Variants in SORCS1 observed in about 807,000 individuals in gnomAD.
SORCS1 encodes VPS10 domain-containing receptor SorCS1.
A neutral mutation model predicts 146.1 loss-of-function variants in SORCS1; 60 were observed. That is an observed-to-expected ratio of 0.41 (90% CI 0.33 to 0.51). The LOEUF (loss-of-function observed/expected upper bound fraction) is 0.51, where lower values mean the gene tolerates loss of function less well. Ranked by LOEUF, SORCS1 falls within the 20% of genes least tolerant of loss-of-function variation. SORCS1 has a pLI of 0.21. For synonymous variants in SORCS1, 637 were observed against 584.0 expected (o/e 1.09, Z -1.31); for missense variants, 1,352 against 1,487.6 (o/e 0.91, Z 1.50).
rs1180826288 is a variant in SORCS1, at chr10:106,577,543, T to C, written c.3384A>G (p.Leu1128=). The C allele has an allele frequency of 1.0e-6, 1 of 953,430 alleles. No homozygotes were observed. The highest frequency in any genetic ancestry group is 3.5e-5 in the East Asian group (1 of 28,732). 59.1% of individuals were successfully genotyped at this position (953,430 alleles called of 1,614,324 possible). ...VIYKFKRRVA[L]PSPPSPSTQP... is the part of the protein sequence containing the mutation. ...GAGTAGAAGGGGAGGGAGGGGAGGG[T>C]AAAGCTACTCTCCTAAGAGAAAACG... Residue 1128 remains leucine, a synonymous_variant, in exon 26 of 26, where the codon TTA becomes TTG. Coordinates refer to ENST00000263054, the MANE Select transcript of SORCS1 (RefSeq NM_052918.5).
intron 1 of SORCS1, among the ~76,000 whole-genome samples, chr10:106,971,520 A>G (rs1843250452): frequency 6.6e-6 from 1 of 152,236 alleles, no homozygotes; most frequent in Admixed American, 6.5e-5. Flanking sequence ...TCAAATTCCA[A>G]TTTTAGGAAT....
At chr10:106,905,876 G>A (rs1041591012) in intron 2 of SORCS1, among the ~76,000 whole-genome samples, 1 of 152,148 alleles carries the variant, frequency 6.6e-6, no homozygotes, top group East Asian at 1.9e-4. Context: ...GCTCTAATTA[G>A]CTTTAAAACA....
chr10:106,840,741 C>A (rs946601314), intron 2 of SORCS1, among the ~76,000 whole-genome samples: 1 of 151,232 alleles, frequency 6.6e-6, no homozygotes, highest in African/African-American at 2.4e-5. Flanking sequence ...ATTGCCAGAG[C>A]CACCTTAATC....
intron 6 of SORCS1, among the ~76,000 whole-genome samples, chr10:106,714,943 A>C (rs377554236): frequency 5.3e-5 from 8 of 152,348 alleles, no homozygotes; most frequent in African/African-American, 1.7e-4. Context: ...AAGCCCCGGA[A>C]GAGGTCTTCA....
intron 21 of SORCS1, among the ~76,000 whole-genome samples, chr10:106,616,685 G>A (rs569473415): frequency 1.3e-5 from 2 of 152,284 alleles, no homozygotes; most frequent in East Asian, 3.9e-4. Flanking sequence ...AGGAGGAAGG[G>A]AGAGAGAAGA....
chr10:106,931,809 A>G (rs950446760), intron 2 of SORCS1, among the ~76,000 whole-genome samples: 1 of 152,214 alleles, frequency 6.6e-6, no homozygotes, highest in Non-Finnish European at 1.5e-5. Context: ...CCTGCCTGCC[A>G]TGCTGTGTAT....
intron 3 of SORCS1, among the ~76,000 whole-genome samples, chr10:106,810,813 C>T (rs1947418968): frequency 6.6e-6 from 1 of 152,180 alleles, no homozygotes; most frequent in Non-Finnish European, 1.5e-5. Flanking sequence ...CAAAGATGCT[C>T]TGAGCATGTC....
Position 106,652,428 on chromosome 10 carries a change from G to A in SORCS1, c.2429C>T (p.Thr810Ile). 6.2e-7 allele frequency: 1 copy of A among 1,614,090 alleles called. No homozygotes were observed. Among genetic ancestry groups the A allele is most frequent in the Non-Finnish European group, 8.5e-7 (1 of 1,179,990 alleles). ...LRIVTADGKLTAEQGHNVTLM... is the reference protein window; with the variant it reads ...LRIVTADGKLIAEQGHNVTLM... ...AGTGACGTTGTGTCCTTGTTCCGCT[G>A]TCAGCTTTCCATCAGCCGTGACTAT... Residue 810 changes from threonine (T) to isoleucine (I), a missense_variant, in exon 18 of 26, where the codon ACA becomes ATA. Physicochemically the swap from Thr to Ile is moderately conservative, Grantham distance 89. Around this residue, in one of 3 missense-constraint regions of SORCS1, gnomAD observed 648 missense variants for 793.8 expected, o/e 0.82. Transcript: ENST00000263054.
intron 3 of SORCS1, among the ~76,000 whole-genome samples, chr10:106,822,942 G>A (rs746969371): frequency 5.7e-5 from 8 of 140,534 alleles, no homozygotes; most frequent in African/African-American, 1.6e-4. Context: ...CACCGCACCC[G>A]GCTAATTTTT....
At chr10:106,885,171 G>A (rs966341370) in intron 2 of SORCS1, among the ~76,000 whole-genome samples, 8 of 151,396 alleles carry the variant, frequency 5.3e-5, no homozygotes, top group Non-Finnish European at 1.0e-4. Context: ...ATAAATAGAG[G>A]CTAAGTGCTA....
chr10:106,769,342 G>A (rs889268677), intron 4 of SORCS1, among the ~76,000 whole-genome samples: 3 of 152,000 alleles, frequency 2.0e-5, no homozygotes, highest in African/African-American at 4.8e-5. Flanking sequence ...AAAATTAGCC[G>A]GGCGTGGGGG....
At chr10:106,968,103 G>C (rs1478570634) in intron 1 of SORCS1, among the ~76,000 whole-genome samples, 1 of 151,828 alleles carries the variant, frequency 6.6e-6, no homozygotes, top group Non-Finnish European at 1.5e-5. Context: ...CCAGTTACTC[G>C]GGAGGCTGAG....
intron 17 of SORCS1, chr10:106,667,258 G>A (rs1851232996): frequency 6.0e-6 from 1 of 167,006 alleles, no homozygotes; most frequent in African/African-American, 2.4e-5. Flanking sequence ...ATTAACACTA[G>A]TATACTTTTG....
chr10:107,105,298 G>C (rs113698235), intron 1 of SORCS1, among the ~76,000 whole-genome samples: 1 of 152,310 alleles, frequency 6.6e-6, no homozygotes, highest in African/African-American at 2.4e-5. Context: ...TGAAAGGAAG[G>C]CTGATCTAAA....
chr10:107,112,287 A>G (rs974369687), intron 1 of SORCS1, among the ~76,000 whole-genome samples: 4 of 152,146 alleles, frequency 2.6e-5, no homozygotes, highest in Admixed American at 2.6e-4. Flanking sequence ...CTTGTATGCA[A>G]AATAAGGTAA....
At chr10:107,107,487 A>C (rs540777994) in intron 1 of SORCS1, among the ~76,000 whole-genome samples, 105 of 152,350 alleles carry the variant, frequency 6.9e-4, no homozygotes, top group African/African-American at 2.4e-3. Context: ...GGCTGAGGAA[A>C]TCTTTAAACA....
intron 1 of SORCS1, among the ~76,000 whole-genome samples, chr10:106,973,854 C>A (rs1157270978): frequency 6.6e-6 from 1 of 152,188 alleles, no homozygotes; most frequent in East Asian, 1.9e-4. Context: ...TGTATTCAAG[C>A]AATAAATCAC....
At chr10:107,001,753 T>C (rs551388107) in intron 1 of SORCS1, among the ~76,000 whole-genome samples, 5 of 152,198 alleles carry the variant, frequency 3.3e-5, no homozygotes, top group African/African-American at 1.2e-4. Flanking sequence ...GGTAAGCCAC[T>C]GCACCCAGCT....
intron 19 of SORCS1, among the ~76,000 whole-genome samples, 188 bp downstream of exon 19, chr10:106,629,014 T>G (rs1848269777): frequency 6.6e-6 from 1 of 152,198 alleles, no homozygotes; most frequent in Non-Finnish European, 1.5e-5. Context: ...AGTCCAGGAT[T>G]AATCAAATTC....
Sources: allele counts gnomAD v4.1 joint callset (sites outside exome capture counted in the v4.1 genomes callset), GRCh38; gene constraint gnomAD v4.1.1; regional missense constraint gnomAD v4.1.1; transcripts MANE v1.5; gene names NCBI Gene and HGNC (gene_info 2026-07-23, HGNC 2026-07-21).